Variants in CCSER1 observed in about 807,000 individuals in gnomAD.
CCSER1 encodes the protein coiled-coil serine rich protein 1.
A neutral mutation model predicts 82.0 loss-of-function variants in CCSER1; 41 were observed. That is an observed-to-expected ratio of 0.50 (90% CI 0.39 to 0.65). CCSER1 has a LOEUF of 0.65. Ranked by LOEUF, CCSER1 falls within the 30% of genes least tolerant of loss-of-function variation. CCSER1 has a pLI of 0.00. For synonymous variants in CCSER1, 414 were observed against 383.9 expected (o/e 1.08, Z -0.92); for missense variants, 1,119 against 1,064.2 (o/e 1.05, Z -0.72).
chr4:91,491,721 G>C (rs978755898), intron 10 of CCSER1, among the ~76,000 whole-genome samples: 1 of 151,988 alleles, frequency 6.6e-6, no homozygotes, highest in Admixed American at 6.6e-5. Context: ...GCCAGTAGGA[G>C]CTGAAGAATA....
At chr4:91,130,815 G>A (rs6812228) in intron 10 of CCSER1, among the ~76,000 whole-genome samples, 17,936 of 151,494 alleles carry the variant, frequency 0.12, 1,283 homozygotes, top group East Asian at 0.22. Flanking sequence ...TAATAATAAC[G>A]AGTTCAAGAT....
intron 10 of CCSER1, among the ~76,000 whole-genome samples, chr4:91,339,303 A>T (rs962528878): frequency 2.6e-5 from 4 of 152,200 alleles, no homozygotes; most frequent in African/African-American, 9.6e-5. Flanking sequence ...AATAAATATT[A>T]TATTAAAATA....
intron 1 of CCSER1, among the ~76,000 whole-genome samples, chr4:90,266,112 A>G (rs1472273082): frequency 2.0e-5 from 3 of 152,208 alleles, no homozygotes; most frequent in Non-Finnish European, 2.9e-5. Context: ...TGTTATAAAT[A>G]TTATAATTAT....
intron 1 of CCSER1, among the ~76,000 whole-genome samples, chr4:90,281,650 C>T (rs998211266): frequency 1.3e-5 from 2 of 152,020 alleles, no homozygotes; most frequent in Middle Eastern, 6.8e-3. Context: ...TAAAGTGATT[C>T]ATAGGAATGA....
chr4:90,852,561 T>C (rs183737955), intron 8 of CCSER1, among the ~76,000 whole-genome samples: 41 of 152,306 alleles, frequency 2.7e-4, no homozygotes, highest in Non-Finnish European at 1.5e-4. Context: ...GGAGACTGTT[T>C]AGAGAACACA....
At chr4:91,375,337 C>A (rs1212570558) in intron 10 of CCSER1, among the ~76,000 whole-genome samples, 2 of 152,174 alleles carry the variant, frequency 1.3e-5, no homozygotes, top group Non-Finnish European at 2.9e-5. Context: ...TTAAAATGAC[C>A]AGAAGTAAAT....
intron 10 of CCSER1, among the ~76,000 whole-genome samples, chr4:91,537,056 A>C (rs1761334323): frequency 6.6e-6 from 1 of 152,050 alleles, no homozygotes. Flanking sequence ...TGATTACTGC[A>C]TATGTTAATA....
chr4:91,175,392 C>T (rs915602008), intron 10 of CCSER1, among the ~76,000 whole-genome samples: 23 of 152,170 alleles, frequency 1.5e-4, no homozygotes, highest in Non-Finnish European at 1.8e-4. Context: ...CTTGAGGAAT[C>T]GCCACACTGC....
At chr4:90,168,850 C>G (rs957801125) in intron 1 of CCSER1, among the ~76,000 whole-genome samples, 1 of 145,722 alleles carries the variant, frequency 6.9e-6, no homozygotes, top group Admixed American at 6.8e-5. Context: ...TGTTTTGGTA[C>G]CAGTACCATG....
At chr4:90,238,798 A>C (rs970172291) in intron 1 of CCSER1, among the ~76,000 whole-genome samples, 3 of 152,032 alleles carry the variant, frequency 2.0e-5, no homozygotes, top group Non-Finnish European at 4.4e-5. Context: ...ATAGGAATTA[A>C]ATCTTCTGAA....
chr4:90,918,192 T>A, intron 8 of CCSER1: 1 of 447,814 alleles, frequency 2.2e-6, no homozygotes, highest in South Asian at 1.6e-5. Flanking sequence ...GTCTGTTAAT[T>A]GTATTAATTA....
intron 5 of CCSER1, among the ~76,000 whole-genome samples, chr4:90,498,446 A>C (rs908048232): frequency 2.0e-5 from 3 of 152,182 alleles, no homozygotes; most frequent in Admixed American, 6.5e-5. Flanking sequence ...AATAAGCTGA[A>C]ACACTGACAT....
intron 9 of CCSER1, among the ~76,000 whole-genome samples, chr4:90,977,281 T>A (rs970952980): frequency 5.3e-5 from 8 of 151,460 alleles, no homozygotes; most frequent in Non-Finnish European, 1.2e-4. Flanking sequence ...CCAGCCTTCT[T>A]AAGAAACAAA....
At chr4:90,445,749 TTAGA>T (rs1209970890) in intron 4 of CCSER1, among the ~76,000 whole-genome samples, 1 of 152,152 alleles carries the variant, frequency 6.6e-6, no homozygotes, top group African/African-American at 2.4e-5. Context: ...TTCTTCCCTA[TTAGA>T]TAGCATGACA....
Position 91,601,330 on chromosome 4 carries a change from G to A in CCSER1, c.*2273G>A, listed in dbSNP as rs954941215. On this transcript the variant is annotated 3_prime_UTR_variant, in exon 11 of 11. Coordinates refer to ENST00000509176, the MANE Select transcript of CCSER1 (RefSeq NM_001145065.2). ...AAAGAAAACCTGGATTAAACAGTTC[G>A]ATTTTAAAAGGAAGGGTATTTTTTG... 4 of 152,024 alleles carry A rather than the reference G, an allele frequency of 2.6e-5. No homozygotes were observed. The highest frequency in any genetic ancestry group is 5.9e-5 in the Non-Finnish European group (4 of 67,914). The allele number at this position is 152,024 out of a possible 1,614,324, so 9.4% of individuals were successfully genotyped here. A position where few individuals can be genotyped will look rare whatever the true frequency, so the allele number is the denominator to read the frequency against.
chr4:90,600,084 T>C (rs570276491), intron 5 of CCSER1, among the ~76,000 whole-genome samples: 1 of 152,314 alleles, frequency 6.6e-6, no homozygotes, highest in East Asian at 1.9e-4. Context: ...TTCTATTGTA[T>C]AGATAACACA....
intron 8 of CCSER1, among the ~76,000 whole-genome samples, chr4:90,898,468 A>G (rs534286269): frequency 1.1e-3 from 155 of 135,728 alleles, no homozygotes; most frequent in African/African-American, 4.0e-3. Context: ...TTGTATTTTT[A>G]GTAGAGACGG....
intron 8 of CCSER1, among the ~76,000 whole-genome samples, chr4:90,856,175 G>C (rs1764443800): frequency 6.6e-6 from 1 of 152,038 alleles, no homozygotes; most frequent in African/African-American, 2.4e-5. Flanking sequence ...GCTTCTTGCT[G>C]ATTGGGCTCA....
chr4:90,670,656 G>A (rs1057018146), intron 6 of CCSER1, among the ~76,000 whole-genome samples: 1 of 151,994 alleles, frequency 6.6e-6, no homozygotes, highest in Non-Finnish European at 1.5e-5. Flanking sequence ...AGTGTGGCCA[G>A]AACACTTAAA....
Sources: gnomAD v4.1 joint callset for allele counts (sites outside exome capture counted in the v4.1 genomes callset) on GRCh38, gnomAD v4.1.1 for gene constraint, MANE v1.5 for transcripts, NCBI Gene and HGNC (gene_info 2026-07-23, HGNC 2026-07-21) for gene names.